Variants in G3BP1 observed in about 807,000 individuals in gnomAD.
G3BP1 encodes ras GTPase-activating protein-binding protein 1.
A neutral mutation model predicts 58.6 loss-of-function variants in G3BP1; 35 were observed. That is an observed-to-expected ratio of 0.60 (90% CI 0.46 to 0.79). G3BP1 has a LOEUF of 0.79. G3BP1 is among the 30% of genes least tolerant of loss of function. The pLI is 0.00. For synonymous variants in G3BP1, 191 were observed against 195.4 expected, an observed-to-expected ratio of 0.98 and a Z score of 0.19; for missense variants, 523 against 580.8, an observed-to-expected ratio of 0.90 and a Z score of 1.02.
intron 1 of G3BP1, among the ~76,000 whole-genome samples, chr5:151,780,122 T>C (rs1263371397): frequency 2.6e-5 from 4 of 152,190 alleles, no homozygotes; most frequent in Admixed American, 2.6e-4. Flanking sequence ...TTGACTGAGA[T>C]TTTAATACTT....
chr5:151,790,439 A>G (rs1762631865), intron 3 of G3BP1, 35 bp downstream of exon 3: 7 of 1,185,890 alleles, frequency 5.9e-6, no homozygotes, highest in Non-Finnish European at 8.4e-6. Context: ...GCTGTTAAGC[A>G]GGTAGAAAAT....
chr5:151,803,727 C>T (rs1308715609), intron 11 of G3BP1, among the ~76,000 whole-genome samples, 158 bp from the exon 12 acceptor site: 1 of 152,112 alleles, frequency 6.6e-6, no homozygotes, highest in Non-Finnish European at 1.5e-5. Flanking sequence ...AACTCCTGAC[C>T]TCGTAATCCA....
chr5:151,773,568 A>G (rs370250269), intron 1 of G3BP1, among the ~76,000 whole-genome samples: 66 of 152,352 alleles, frequency 4.3e-4, no homozygotes, highest in Middle Eastern at 6.8e-3. Context: ...AAAAGCCAAC[A>G]TACTCCTTGG....
intron 11 of G3BP1, among the ~76,000 whole-genome samples, chr5:151,802,860 G>A (rs1762876789): frequency 6.6e-6 from 1 of 152,214 alleles, no homozygotes; most frequent in South Asian, 2.1e-4. Context: ...GTGAATCTGG[G>A]AGGCGGAGCT....
chr5:151,784,725 T>C (rs1405826810), intron 1 of G3BP1, among the ~76,000 whole-genome samples: 3 of 152,154 alleles, frequency 2.0e-5, no homozygotes, highest in Admixed American at 1.3e-4. Flanking sequence ...AGGAAGTACA[T>C]ATTTAGTCAT....
At position 151,805,194 on chromosome 5, in the gene G3BP1, C is replaced by G. The variant is rs988713008; in HGVS notation, c.*1103C>G. 3.3e-5 allele frequency: 5 copies of G among 152,446 alleles called. No individual in the cohort carries two copies. Among genetic ancestry groups the G allele is most frequent in the Middle Eastern group, 3.4e-3 (1 of 294 alleles). The allele number at this position is 152,446 out of a possible 1,614,324, so 9.4% of individuals were successfully genotyped here. ...GAAGGAATGTTACTTTAATATTGGA[C>G]TTTGCTCATGTGCTCGTGTCCGCAT... On this transcript the variant is annotated 3_prime_UTR_variant, in exon 12 of 12. Coordinates refer to ENST00000356245, the MANE Select transcript of G3BP1 (RefSeq NM_005754.3).
Position 151,794,214 on chromosome 5 carries a change from A to C in G3BP1, c.407A>C (p.Glu136Ala). 6.2e-7 allele frequency: 1 copy of C among 1,610,066 alleles called. No homozygotes were observed. Among genetic ancestry groups the C allele is most frequent in the Non-Finnish European group, 8.5e-7 (1 of 1,176,414 alleles). ...VHNDIFRYQD[E>A]VFGGFVTEPQ... ...AATGATATCTTCAGATACCAAGATG[A>C]GGTCTTTGGTGGGTTTGTCACTGAG... Residue 136 changes from glutamate to alanine, a missense_variant, in exon 5 of 12, where the codon GAG becomes GCG. This residue lies in a region of G3BP1 where 398 missense variants were observed against 399.1 expected (regional missense o/e 1.00). Transcript: ENST00000356245.
chr5:151,773,112 A>G (rs1762302627), intron 1 of G3BP1, among the ~76,000 whole-genome samples: 1 of 152,232 alleles, frequency 6.6e-6, no homozygotes, highest in African/African-American at 2.4e-5. Flanking sequence ...GCTGATGGGA[A>G]ATTCCCGCCA....
chr5:151,789,634 C>T (rs1007325903), intron 2 of G3BP1, among the ~76,000 whole-genome samples: 1 of 152,198 alleles, frequency 6.6e-6, no homozygotes, highest in African/African-American at 2.4e-5. Context: ...TTCTCAGATA[C>T]ATTAATAAAA....
chr5:151,778,786 G>A (rs1436425011), intron 1 of G3BP1, among the ~76,000 whole-genome samples: 1 of 151,766 alleles, frequency 6.6e-6, no homozygotes, highest in African/African-American at 2.4e-5. Flanking sequence ...GTCAGGCGCA[G>A]TGGCTCACAC....
chr5:151,772,859 G>A (rs753478201), intron 1 of G3BP1, among the ~76,000 whole-genome samples: 3 of 152,258 alleles, frequency 2.0e-5, no homozygotes, highest in Non-Finnish European at 4.4e-5. Flanking sequence ...AGCCTCAAAA[G>A]GCCACCTGCC....
rs1202134872 is a variant in G3BP1, at chr5:151,811,376, A to C, written c.*7285A>C. On this transcript the variant is annotated 3_prime_UTR_variant, in exon 12 of 12. Coordinates refer to ENST00000356245, the MANE Select transcript of G3BP1 (RefSeq NM_005754.3). ...AACAAATGAATTCTCATTTCTCGAC[A>C]TAAAGCCTTGTCTAAAGTGAGATGT... is the stretch of plus-strand genomic sequence containing the variant. The C allele has an allele frequency of 6.6e-6, 1 of 152,238 alleles. No homozygotes were observed. Among genetic ancestry groups the C allele is most frequent in the Non-Finnish European group, 1.5e-5 (1 of 68,046 alleles). 9.4% of individuals were successfully genotyped at this position (152,238 alleles called of 1,614,324 possible).
chr5:151,794,318 A>G (rs1461201140), intron 5 of G3BP1, 69 bp downstream of exon 5: 2 of 811,870 alleles, frequency 2.5e-6, no homozygotes, highest in Non-Finnish European at 4.3e-6. Context: ...CCCTTAAGAG[A>G]CTATGGGTTT....
chr5:151,785,342 A>G (rs1038941817), intron 1 of G3BP1, among the ~76,000 whole-genome samples: 5 of 152,368 alleles, frequency 3.3e-5, no homozygotes, highest in Admixed American at 1.3e-4. Flanking sequence ...ATATTCAAGA[A>G]TAATGCAAAG....
chr5:151,778,315 C>T lies in G3BP1; in HGVS notation c.-50+6279C>T, dbSNP rs187701590. ...TTGTGACAGGTGTTTAGTGGTACCT[C>T]ACAGGTTTTAATTTGCATTTCTGTA... On this transcript the variant is annotated intron_variant, in intron 1 of 11. Coordinates refer to ENST00000356245, the MANE Select transcript of G3BP1 (RefSeq NM_005754.3). Among the ~76,000 whole-genome samples the T allele has an allele frequency of 6.7e-4, 102 of 152,262 alleles. 3 individuals are homozygous for T. Among genetic ancestry groups the T allele is most frequent in the South Asian group, 2.7e-3 (13 of 4,828 alleles).
At chr5:151,803,273 T>C (rs1182473906) in intron 11 of G3BP1, among the ~76,000 whole-genome samples, 3 of 152,354 alleles carry the variant, frequency 2.0e-5, no homozygotes, top group South Asian at 4.1e-4. Flanking sequence ...CCTCCAAATC[T>C]ATGGAGAAGG....
Position 151,802,478 on chromosome 5 carries a change from G to A in G3BP1, c.1195-1407G>A, listed in dbSNP as rs79497304. Among the ~76,000 whole-genome samples, 795 of 152,300 alleles carry A rather than the reference G, an allele frequency of 5.2e-3. 9 individuals are homozygous for A. Among genetic ancestry groups the A allele is most frequent in the African/African-American group, 0.018 (749 of 41,554 alleles). ...CTGTAGTGTAGCTTACCGTTTCAAA[G>A]CTTATTTTTCCCTGGAGGCCTTGGT... On this transcript the variant is annotated intron_variant, in intron 11 of 11. Transcript: ENST00000356245.
Position 151,807,439 on chromosome 5 carries a change from A to T in G3BP1, c.*3348A>T, listed in dbSNP as rs1033684074. The T allele has an allele frequency of 1.3e-5, 2 of 152,220 alleles. No homozygotes were observed. The highest frequency in any genetic ancestry group is 6.5e-5 in the Admixed American group (1 of 15,282). 9.4% of individuals were successfully genotyped at this position (152,220 alleles called of 1,614,324 possible). On this transcript the variant is annotated 3_prime_UTR_variant, in exon 12 of 12. Transcript: ENST00000356245. ...GACTTGAGTCTGGAATACATTCAGA[A>T]CAAGGTTAACATTACAGTTCTTAAT...
intron 1 of G3BP1, among the ~76,000 whole-genome samples, chr5:151,773,608 A>G (rs1184180062): frequency 6.6e-6 from 1 of 152,240 alleles, no homozygotes; most frequent in Non-Finnish European, 1.5e-5. Flanking sequence ...TATGTTATAG[A>G]AACACTTCTA....
Sources: gnomAD v4.1 joint callset for allele counts (sites outside exome capture counted in the v4.1 genomes callset) on GRCh38, gnomAD v4.1.1 for gene constraint, gnomAD v4.1.1 regional missense constraint, MANE v1.5 for transcripts, NCBI Gene and HGNC (gene_info 2026-07-23, HGNC 2026-07-21) for gene names.